KMT2C: variants seen among roughly 807,000 people sequenced by gnomAD.
KMT2C encodes lysine methyltransferase 2C, also known as histone-lysine N-methyltransferase 2C.
A neutral mutation model predicts 507.9 loss-of-function variants in KMT2C; 88 were observed. The ratio of observed to expected loss-of-function variants is 0.17; its 90% CI spans 0.15 to 0.21. The LOEUF (loss-of-function observed/expected upper bound fraction) is 0.21, where lower values mean the gene tolerates loss of function less well. Among genes scored for constraint, KMT2C ranks in the 10% least tolerant of loss-of-function variants. The probability of loss-of-function intolerance (pLI) is 1.00; values close to 1 mark genes in which losing one functional copy is unlikely to be tolerated. For missense variants in KMT2C, 4,954 were observed against 5,957.8 expected (o/e 0.83, Z 5.55); for synonymous variants, 2,049 against 2,080.8 (o/e 0.98, Z 0.42).
rs756109044 is a variant in KMT2C, at chr7:152,182,087, T to C, written c.5773A>G (p.Asn1925Asp). 2.5e-6 allele frequency: 4 copies of C among 1,614,176 alleles called. No individual in the cohort carries two copies. The East Asian group carries it at 8.9e-5, about 36-fold the overall frequency. The change falls in exon 36 of 59, where the codon AAC becomes GAC. Residue 1925 changes from asparagine (N) to aspartate (D), a missense_variant. Around this residue, in one of 29 missense-constraint regions of KMT2C, gnomAD observed 1,689 missense variants for 1,654.3 expected, o/e 1.02. Coordinates refer to ENST00000262189, the MANE Select transcript of KMT2C (RefSeq NM_170606.3). ...SRRNSAAPVE[N>D]CTPLSSVSRP... Reference sequence around the variant, plus strand: ...GATACCGATGATAAAGGTGTACAGTTTTCCACTGGTGCAGCAGAATTTCTT... The same window carrying C: ...GATACCGATGATAAAGGTGTACAGTCTTCCACTGGTGCAGCAGAATTTCTT...
chr7:152,194,272 TTA>T lies in KMT2C; in HGVS notation c.4508-13_4508-12del. ...TTCCAAGAATTGCTCCTAGAATAAA[TTA>T]AAAAAAAAAAAGAAACATTAACAGC... On this transcript the variant is annotated splice_polypyrimidine_tract_variant and intron_variant, in intron 29 of 58. Transcript: ENST00000262189. 1 of 1,433,894 alleles carries T rather than the reference TTA, an allele frequency of 7.0e-7. No homozygotes were observed. Among genetic ancestry groups the T allele is most frequent in the African/African-American group, 1.5e-5 (1 of 66,200 alleles). The allele number at this position is 1,433,894 out of a possible 1,614,324, so 88.8% of individuals were successfully genotyped here.
chr7:152,169,879 T>C (rs528693078), intron 40 of KMT2C, among the ~76,000 whole-genome samples: 6 of 152,166 alleles, frequency 3.9e-5, no homozygotes, highest in Non-Finnish European at 7.3e-5. Context: ...AAGTATTTAA[T>C]TCGTTTTATT....
chr7:152,286,670 C>CTTAG (rs1193975780), intron 6 of KMT2C, among the ~76,000 whole-genome samples: 1 of 152,102 alleles, frequency 6.6e-6, no homozygotes, highest in Non-Finnish European at 1.5e-5. Context: ...TTTAAAAACC[C>CTTAG]TTAGCCGTGA....
intron 9 of KMT2C, among the ~76,000 whole-genome samples, chr7:152,259,446 GCA>G (rs372982101): frequency 0.19 from 25,821 of 134,448 alleles, 2,518 homozygotes; most frequent in Middle Eastern, 0.24. Context: ...ACACACACGC[GCA>G]CACACACACA....
chr7:152,137,862 T>C (rs1371186436), intron 58 of KMT2C: 1 of 152,166 alleles, frequency 6.6e-6, no homozygotes, highest in Admixed American at 6.5e-5. Context: ...CCACACACTG[T>C]CTTATTTACA....
rs534440768 is a variant in KMT2C at position 152,166,542 on chromosome 7, A to G, written c.9750+604T>C. 2.0e-5 allele frequency among the ~76,000 whole-genome samples: 3 copies of G among 152,246 alleles called. 1 individual carries two copies. Among genetic ancestry groups the G allele is most frequent in the South Asian group, 4.1e-4 (2 of 4,828 alleles). The stretch of plus-strand genomic sequence containing the variant: ...TTTTACATGTTTCTTCTTTTCCAGT[A>G]TATTATTCAGTTTAAATATTCTGAT... On this transcript the variant is annotated intron_variant, in intron 42 of 58. Coordinates refer to ENST00000262189, the MANE Select transcript of KMT2C (RefSeq NM_170606.3).
At chr7:152,274,701 A>G (rs936960186) in intron 6 of KMT2C, among the ~76,000 whole-genome samples, 30 of 152,218 alleles carry the variant, frequency 2.0e-4, no homozygotes, top group Non-Finnish European at 3.8e-4. Context: ...CCTGTACTAT[A>G]CAGTATGACA....
chr7:152,369,638 C>T (rs889514881), intron 1 of KMT2C, among the ~76,000 whole-genome samples: 8 of 152,088 alleles, frequency 5.3e-5, no homozygotes, highest in Non-Finnish European at 1.2e-4. Flanking sequence ...GAGAAGTGAA[C>T]CCACAAGAGT....
rs758721377 is a variant in KMT2C, at chr7:152,177,724, G to A, written c.7729C>T (p.Pro2577Ser). The A allele has an allele frequency of 8.1e-6, 13 of 1,613,944 alleles. No homozygotes were observed. The Admixed American group carries it at 2.2e-4, about 27-fold the overall frequency. ...GATGCCTCTACAACGCTGCCAGGTG[G>A]AGCACTGAAAGGCAGCCGTTGCCTT... ...DGRQRLPFSAPPGSVVEASSN... is the reference protein window; with the variant it reads ...DGRQRLPFSASPGSVVEASSN... Residue 2577 changes from proline to serine, a missense_variant, in exon 38 of 59, where the codon CCA becomes TCA. By Grantham distance (74) the Pro-to-Ser change is moderately conservative (BLOSUM62 -1). Transcript: ENST00000262189.
chr7:152,399,756 A>G (rs1322862574), intron 1 of KMT2C, among the ~76,000 whole-genome samples: 1 of 152,160 alleles, frequency 6.6e-6, no homozygotes, highest in Non-Finnish European at 1.5e-5. Flanking sequence ...AATAAACCTT[A>G]TTAACATTTT....
At chr7:152,361,125 G>C (rs1239241532) in intron 1 of KMT2C, among the ~76,000 whole-genome samples, 1 of 152,056 alleles carries the variant, frequency 6.6e-6, no homozygotes, top group Non-Finnish European at 1.5e-5. Context: ...ACTTCACAGG[G>C]GGAAAGGGGA....
rs1200893054 is a variant in KMT2C, at chr7:152,135,394, CAG to C, written c.*1436_*1437del. ...TAAGTTTCTACAAGCAAACACAAAA[CAG>C]TGTTTTTTTTATTAAAGAAATGTAA... On this transcript the variant is annotated 3_prime_UTR_variant, in exon 59 of 59. Transcript: ENST00000262189. 3 of 216,922 alleles carry C rather than the reference CAG, an allele frequency of 1.4e-5. No homozygotes were observed. Among genetic ancestry groups the C allele is most frequent in the South Asian group, 3.7e-4 (2 of 5,384 alleles). 13.4% of individuals were successfully genotyped at this position (216,922 alleles called of 1,614,324 possible). A position where few individuals can be genotyped will look rare whatever the true frequency, so the allele number is the denominator to read the frequency against.
chr7:152,153,101 C>A lies in KMT2C; in HGVS notation c.12277-147G>T. 4 of 1,070,084 alleles carry A rather than the reference C, an allele frequency of 3.7e-6. No homozygotes were observed. The highest frequency in any genetic ancestry group is 1.9e-5 in the South Asian group (1 of 52,426). The allele number at this position is 1,070,084 out of a possible 1,614,324, so 66.3% of individuals were successfully genotyped here. Reference sequence around the variant, plus strand: ...AATTTTATTTAGACTTAAAGAACCTCAGGAAAAAAATTAGCTCTAACGAAC... The same window carrying A: ...AATTTTATTTAGACTTAAAGAACCTAAGGAAAAAAATTAGCTCTAACGAAC... On this transcript the variant is annotated intron_variant, in intron 48 of 58. Transcript: ENST00000262189.
intron 17 of KMT2C, 65 bp downstream of exon 17, chr7:152,230,155 G>A: frequency 9.4e-7 from 1 of 1,062,074 alleles, no homozygotes; most frequent in South Asian, 1.4e-5. Flanking sequence ...CTGTGTATAT[G>A]AGATAAAGCA....
intron 18 of KMT2C, among the ~76,000 whole-genome samples, chr7:152,226,411 T>G (rs1184523143): frequency 6.6e-6 from 1 of 151,880 alleles, no homozygotes; most frequent in South Asian, 2.1e-4. Flanking sequence ...TTTTGTACTT[T>G]TAGTAGAGAT....
intron 1 of KMT2C, among the ~76,000 whole-genome samples, chr7:152,400,412 T>C (rs1250940477): frequency 6.6e-6 from 1 of 152,150 alleles, no homozygotes; most frequent in Non-Finnish European, 1.5e-5. Flanking sequence ...AGAAAACACA[T>C]CTGGACATCT....
At chr7:152,288,625 GA>G (rs1185901155) in intron 6 of KMT2C, among the ~76,000 whole-genome samples, 1 of 152,066 alleles carries the variant, frequency 6.6e-6, no homozygotes, top group Non-Finnish European at 1.5e-5. Context: ...CCTGTCACTG[GA>G]ATCTCAGAAA....
chr7:152,300,797 C>T (rs1360089382), intron 6 of KMT2C, among the ~76,000 whole-genome samples: 6 of 152,096 alleles, frequency 3.9e-5, no homozygotes, highest in Non-Finnish European at 8.8e-5. Context: ...CAGTGGCTCA[C>T]GCTTGTAATG....
rs778241763 is a variant in KMT2C, at chr7:152,163,609, T to C, written c.9968A>G (p.His3323Arg). The C allele has an allele frequency of 1.9e-6, 3 of 1,606,938 alleles. No homozygotes were observed. Among genetic ancestry groups the C allele is most frequent in the Non-Finnish European group, 2.6e-6 (3 of 1,175,826 alleles). Residue 3323 changes from histidine to arginine, a missense_variant, in exon 43 of 59, where the codon CAT becomes CGT. Physicochemically the swap from His to Arg is conservative, Grantham distance 29. Around this residue, in one of 29 missense-constraint regions of KMT2C, gnomAD observed 801 missense variants for 751.2 expected, o/e 1.07. Transcript: ENST00000262189. ...ACTGGGCATTCTAACAGGGCTAGTA[T>C]GGCCAGAAATAACTGTTGTGTGCTG... ...HQQHTTVISG[H>R]TSPVRMPSLP...
Sources: gnomAD v4.1 joint callset for allele counts (sites outside exome capture counted in the v4.1 genomes callset) on GRCh38, gnomAD v4.1.1 for gene constraint, gnomAD v4.1.1 regional missense constraint, MANE v1.5 for transcripts, NCBI Gene and HGNC (gene_info 2026-07-23, HGNC 2026-07-21) for gene names.